The following RNF175 variants were observed in gnomAD, a reference collection of about 807,000 sequenced individuals.
The protein encoded by RNF175 is ring finger protein 175.
RNF175 carries 38 observed loss-of-function variants against 50.0 expected under a neutral mutation model. That is an observed-to-expected ratio of 0.76 (90% CI 0.59 to 1.00). RNF175 has a LOEUF of 1.00. Among genes scored for constraint, RNF175 ranks in the 50% least tolerant of loss-of-function variants. The pLI, the probability that RNF175 is intolerant of heterozygous loss-of-function variation, is 0.00. For synonymous variants in RNF175, 155 were observed against 146.1 expected (o/e 1.06, Z -0.44); for missense variants, 388 against 409.6 (o/e 0.95, Z 0.46).
At chr4:153,744,370 C>T (rs1332416900) in intron 3 of RNF175, among the ~76,000 whole-genome samples, 11 of 151,722 alleles carry the variant, frequency 7.3e-5, no homozygotes, top group Non-Finnish European at 1.6e-4. Context: ...TGCAGTGAGC[C>T]GAGATCGCGC....
intron 3 of RNF175, among the ~76,000 whole-genome samples, chr4:153,738,919 C>G (rs1739496740): frequency 6.6e-6 from 1 of 152,144 alleles, no homozygotes; most frequent in Non-Finnish European, 1.5e-5. Flanking sequence ...TCCAGAGTTG[C>G]AAAATACATC....
intron 4 of RNF175, among the ~76,000 whole-genome samples, chr4:153,725,672 G>A (rs528909604): frequency 6.6e-6 from 1 of 152,306 alleles, no homozygotes; most frequent in East Asian, 1.9e-4. Flanking sequence ...CTGCCCATGG[G>A]ACTTTGGTCA....
chr4:153,719,900 C>A (rs951937536), intron 6 of RNF175, among the ~76,000 whole-genome samples: 2 of 152,160 alleles, frequency 1.3e-5, no homozygotes, highest in Non-Finnish European at 2.9e-5. Flanking sequence ...ATGCTAGATA[C>A]AATAACATAA....
intron 3 of RNF175, among the ~76,000 whole-genome samples, chr4:153,743,032 T>C (rs1299217392): frequency 1.3e-5 from 2 of 152,176 alleles, no homozygotes; most frequent in Admixed American, 6.5e-5. Context: ...CTCTGGATGA[T>C]AGGGCAATTT....
intron 5 of RNF175, among the ~76,000 whole-genome samples, chr4:153,722,767 CA>C (rs3068869): frequency 0.36 from 52,477 of 147,158 alleles, 9,482 homozygotes; most frequent in Middle Eastern, 0.49. Context: ...TTTAATAAGT[CA>C]AAAAAAAAAA....
chr4:153,727,129 T>C lies in RNF175; in HGVS notation c.401+1078A>G, dbSNP rs115241097. On this transcript the variant is annotated intron_variant, in intron 4 of 8. Transcript: ENST00000347063. Reference sequence around the variant, plus strand: ...ATGAAAACAAGCACATTTTGATTCATCCCAAACTCAGAGCACTTTCACAAA... The same window carrying C: ...ATGAAAACAAGCACATTTTGATTCACCCCAAACTCAGAGCACTTTCACAAA... 7.5e-3 allele frequency among the ~76,000 whole-genome samples: 1,147 copies of C among 152,290 alleles called. 20 individuals are homozygous for C. Among genetic ancestry groups the C allele is most frequent in the African/African-American group, 0.025 (1,050 of 41,570 alleles).
intron 5 of RNF175, among the ~76,000 whole-genome samples, chr4:153,722,627 C>T (rs899301011): frequency 6.6e-6 from 1 of 152,094 alleles, no homozygotes; most frequent in African/African-American, 2.4e-5. Flanking sequence ...GAAGCACTCA[C>T]TTTTTCCTCC....
chr4:153,748,708 G>T lies in RNF175; in HGVS notation c.183C>A (p.Cys61Ter), dbSNP rs761510742. 4 of 1,608,610 alleles carry T rather than the reference G, an allele frequency of 2.5e-6. No individual in the cohort carries two copies. The highest frequency in any genetic ancestry group is 3.4e-6 in the Non-Finnish European group (4 of 1,177,602). Reference protein sequence around the residue: ...MHVEMILIFLCVLVIAQIVLV... With the variant: ...MHVEMILIFL ...GCACTATCTGGGCAATGACCAGAACGCAGAGGAAGATCAAGATCATTTCCA... is the reference window on the plus strand; with the variant it reads ...GCACTATCTGGGCAATGACCAGAACTCAGAGGAAGATCAAGATCATTTCCA... Residue 61 changes from cysteine to a stop codon, truncating the protein, a stop_gained, in exon 3 of 9, where the codon TGC becomes TGA. Transcript: ENST00000347063. LOFTEE classifies it high-confidence loss of function.
intron 3 of RNF175, among the ~76,000 whole-genome samples, chr4:153,731,249 C>T (rs959018727): frequency 1.3e-5 from 2 of 152,142 alleles, no homozygotes; most frequent in African/African-American, 4.8e-5. Flanking sequence ...TAAATAGTAA[C>T]TGCCATATAT....
At chr4:153,754,907 ACTC>A (rs1260627975) in intron 1 of RNF175, among the ~76,000 whole-genome samples, 5 of 152,016 alleles carry the variant, frequency 3.3e-5, no homozygotes, top group Non-Finnish European at 7.4e-5. Context: ...TAGATTTTGA[ACTC>A]CTGGCCTCCA....
chr4:153,744,294 C>T (rs1172020849), intron 3 of RNF175, among the ~76,000 whole-genome samples: 3 of 151,954 alleles, frequency 2.0e-5, no homozygotes, highest in Admixed American at 6.6e-5. Context: ...TGGTGGTGGG[C>T]GCCTGTAATC....
At chr4:153,722,142 T>C (rs1738378154) in intron 5 of RNF175, among the ~76,000 whole-genome samples, 1 of 152,132 alleles carries the variant, frequency 6.6e-6, no homozygotes, top group African/African-American at 2.4e-5. Context: ...TTCTGGGGGA[T>C]TTGTATTTGA....
At chr4:153,745,531 T>C (rs536092994) in intron 3 of RNF175, 14 of 152,356 alleles carry the variant, frequency 9.2e-5, no homozygotes, top group African/African-American at 3.4e-4. Context: ...CACATTTCCA[T>C]GGATATGCAA....
At chr4:153,739,684 T>A (rs771720813) in intron 3 of RNF175, among the ~76,000 whole-genome samples, 4 of 152,204 alleles carry the variant, frequency 2.6e-5, no homozygotes, top group Non-Finnish European at 4.4e-5. Flanking sequence ...ACTGCTGGGA[T>A]TTTTTCTTTC....
chr4:153,721,655 G>GA lies in RNF175; in HGVS notation c.510-1352dup, dbSNP rs532960626. ...AATACAATGATAATCATCAAGTAGT[G>GA]AAAAAAAATAGTTCCTTTTCTAAAG... On this transcript the variant is annotated intron_variant, in intron 5 of 8. Transcript: ENST00000347063. Among the ~76,000 whole-genome samples, 9 of 151,846 alleles carry GA rather than the reference G, an allele frequency of 5.9e-5. No individual in the cohort carries two copies. The South Asian group carries it at 1.0e-3, about 18-fold the overall frequency.
intron 3 of RNF175, among the ~76,000 whole-genome samples, chr4:153,736,809 T>G (rs1313262213): frequency 6.6e-6 from 1 of 152,210 alleles, no homozygotes; most frequent in Non-Finnish European, 1.5e-5. Context: ...CAGAATTGTT[T>G]GTAGCCTTTT....
chr4:153,750,656 T>TGAAACAAA (rs1740237803), intron 2 of RNF175, among the ~76,000 whole-genome samples: 1 of 62,772 alleles, frequency 1.6e-5, no homozygotes, highest in Non-Finnish European at 4.1e-5. Flanking sequence ...AGAAGCTCAT[T>TGAAACAAA]TAAACAAACA....
chr4:153,727,013 A>C (rs984304820), intron 4 of RNF175, among the ~76,000 whole-genome samples: 6 of 152,206 alleles, frequency 3.9e-5, no homozygotes. Context: ...ACTGATGTGC[A>C]CAAAGACACT....
Position 153,720,179 on chromosome 4 carries a change from C to CT in RNF175, c.630+4dup. On this transcript the variant is annotated splice_donor_region_variant and intron_variant, in intron 6 of 8. Coordinates refer to ENST00000347063, the MANE Select transcript of RNF175 (RefSeq NM_173662.4). ...ATGGTTTCAGAAAATGAAAGCAACA[C>CT]TTACCCCTATAGTGGAAGCCATGTA... 1 of 1,613,518 alleles carries CT rather than the reference C, an allele frequency of 6.2e-7. No individual in the cohort carries two copies. Among genetic ancestry groups the CT allele is most frequent in the Non-Finnish European group, 8.5e-7 (1 of 1,179,602 alleles).
Sources: gnomAD v4.1 joint callset for allele counts (sites outside exome capture counted in the v4.1 genomes callset) on GRCh38, gnomAD v4.1.1 for gene constraint, MANE v1.5 for transcripts, NCBI Gene and HGNC (gene_info 2026-07-23, HGNC 2026-07-21) for gene names.